PCSK2: variants seen among roughly 807,000 people sequenced by gnomAD.
The protein encoded by PCSK2 is neuroendocrine convertase 2.
PCSK2 carries 14 observed loss-of-function variants against 69.7 expected under a neutral mutation model. That is an observed-to-expected ratio of 0.20 (90% confidence interval 0.13 to 0.31). PCSK2 has a LOEUF of 0.31. Among genes scored for constraint, PCSK2 ranks in the 10% least tolerant of loss-of-function variants. PCSK2 has a pLI of 1.00. For synonymous variants in PCSK2, 307 were observed against 320.7 expected (o/e 0.96, Z 0.46); for missense variants, 544 against 842.5 (o/e 0.65, Z 4.39).
At chr20:17,314,809 A>G (rs923121975) in intron 2 of PCSK2, among the ~76,000 whole-genome samples, 4 of 152,184 alleles carry the variant, frequency 2.6e-5, no homozygotes, top group African/African-American at 7.2e-5. Context: ...TGTCTTTGCC[A>G]CTTAACATTA....
intron 10 of PCSK2, among the ~76,000 whole-genome samples, chr20:17,463,159 C>G (rs965984894): frequency 1.3e-5 from 2 of 152,188 alleles, no homozygotes; most frequent in East Asian, 3.8e-4. Context: ...CTAAAATGCA[C>G]CCCATGAGAA....
chr20:17,396,830 G>A (rs1416201428), intron 5 of PCSK2, among the ~76,000 whole-genome samples: 1 of 152,082 alleles, frequency 6.6e-6, no homozygotes, highest in Non-Finnish European at 1.5e-5. Flanking sequence ...ATGTTGCCCA[G>A]GCTGAGTCAA....
intron 2 of PCSK2, 138 bp downstream of exon 2, chr20:17,260,482 G>A: frequency 1.6e-6 from 1 of 639,308 alleles, no homozygotes; most frequent in East Asian, 2.7e-5. Flanking sequence ...ATGCTTTGCA[G>A]AGTCATATCA....
At chr20:17,407,791 C>G (rs1325441483) in intron 5 of PCSK2, among the ~76,000 whole-genome samples, 1 of 152,138 alleles carries the variant, frequency 6.6e-6, no homozygotes, top group Non-Finnish European at 1.5e-5. Context: ...TTCCTCCTCT[C>G]TGAAAGCCAA....
chr20:17,239,518 A>G (rs1355742280), intron 1 of PCSK2, among the ~76,000 whole-genome samples: 1 of 152,146 alleles, frequency 6.6e-6, no homozygotes, highest in Admixed American at 6.5e-5. Context: ...ATTAACCCAA[A>G]TTTGGACCCA....
At chr20:17,473,895 T>C (rs998930376) in intron 11 of PCSK2, among the ~76,000 whole-genome samples, 6 of 152,212 alleles carry the variant, frequency 3.9e-5, no homozygotes, top group African/African-American at 1.2e-4. Flanking sequence ...CCAGCTCCTG[T>C]GCAGGAAGCA....
At chr20:17,226,674 C>T (rs1158254865), upstream of PCSK2, among the ~76,000 whole-genome samples, 1 of 151,934 alleles carries the variant, frequency 6.6e-6, no homozygotes, top group Non-Finnish European at 1.5e-5. Flanking sequence ...CAGATTCCCA[C>T]AAACAATGAC....
rs181898891 is a variant in PCSK2 at position 17,419,789 on chromosome 20, T to A, written c.621-9646T>A. 5.3e-5 allele frequency among the ~76,000 whole-genome samples: 8 copies of A among 152,332 alleles called. No homozygotes were observed. In the East Asian group the frequency reaches 1.5e-3, roughly 29 times the overall value. ...GCAGATCTGTATTCCATTACTGTGC[T>A]GTTGTCCATAAAAATCTCTCTTGCA... On this transcript the variant is annotated intron_variant, in intron 6 of 11. Coordinates refer to ENST00000262545, the MANE Select transcript of PCSK2 (RefSeq NM_002594.5).
At chr20:17,345,954 CTAT>C (rs1308035175) in intron 2 of PCSK2, among the ~76,000 whole-genome samples, 1 of 152,172 alleles carries the variant, frequency 6.6e-6, no homozygotes, top group East Asian at 1.9e-4. Flanking sequence ...GACCTTGATG[CTAT>C]TAGCTCTTTC....
At chr20:17,228,119 G>A (rs1986001535) in intron 1 of PCSK2, 1 of 152,234 alleles carries the variant, frequency 6.6e-6, no homozygotes, top group Admixed American at 6.5e-5. Context: ...GCGCACTTCT[G>A]GTTGGCTCCC....
intron 2 of PCSK2, among the ~76,000 whole-genome samples, chr20:17,353,465 C>CAAAAAAAAAAAAAAA: frequency 6.9e-6 from 1 of 145,220 alleles, no homozygotes; most frequent in Non-Finnish European, 1.5e-5. Context: ...CTCCATCACA[C>CAAAAAAAAAAAAAAA]AAAAAAAAAA....
intron 6 of PCSK2, among the ~76,000 whole-genome samples, chr20:17,413,043 G>A (rs1322873367): frequency 6.6e-6 from 1 of 152,160 alleles, no homozygotes; most frequent in African/African-American, 2.4e-5. Context: ...ACTAAACATG[G>A]AAAGGAACAA....
At chr20:17,243,194 G>T (rs1399127884) in intron 1 of PCSK2, among the ~76,000 whole-genome samples, 1 of 152,198 alleles carries the variant, frequency 6.6e-6, no homozygotes, top group Non-Finnish European at 1.5e-5. Flanking sequence ...GTTGCTTCTT[G>T]TTTGGGTAAT....
At chr20:17,290,982 A>G (rs748975812) in intron 2 of PCSK2, among the ~76,000 whole-genome samples, 20 of 152,088 alleles carry the variant, frequency 1.3e-4, no homozygotes, top group Admixed American at 5.9e-4. Context: ...CTATTCATGA[A>G]GGCTCCACCC....
chr20:17,389,705 A>G (rs1402727632), intron 5 of PCSK2, among the ~76,000 whole-genome samples: 1 of 152,194 alleles, frequency 6.6e-6, no homozygotes, highest in Non-Finnish European at 1.5e-5. Context: ...TGCAGGGTTT[A>G]CAGCTGCTGA....
At chr20:17,280,287 CA>C (rs1224500890) in intron 2 of PCSK2, among the ~76,000 whole-genome samples, 2 of 152,092 alleles carry the variant, frequency 1.3e-5, no homozygotes, top group African/African-American at 4.8e-5. Flanking sequence ...CATAAGATTC[CA>C]AAATGTAGAT....
At chr20:17,340,637 G>A (rs975403179) in intron 2 of PCSK2, among the ~76,000 whole-genome samples, 1 of 151,978 alleles carries the variant, frequency 6.6e-6, no homozygotes, top group Non-Finnish European at 1.5e-5. Context: ...CTCCTATTTT[G>A]TTACAATCTT....
At position 17,227,450 on chromosome 20, in the gene PCSK2, G is replaced by T; in HGVS notation, c.145G>T (p.Val49Phe). The T allele has an allele frequency of 6.2e-7, 1 of 1,614,018 alleles. No homozygotes were observed. The highest frequency in any genetic ancestry group is 8.5e-7 in the Non-Finnish European group (1 of 1,179,996). ...AGGGGGAGAGGACAAAGCTCGCCAA[G>T]TTGCAGCAGAACACGGCTTTGGAGT... ...HKGGEDKARQ[V>F]AAEHGFGVRK... is the part of the protein sequence containing the mutation. Residue 49 changes from valine (V) to phenylalanine (F), a missense_variant, in exon 1 of 12, where the codon GTT becomes TTT. By Grantham distance (50) the Val-to-Phe change is conservative. Coordinates refer to ENST00000262545, the MANE Select transcript of PCSK2 (RefSeq NM_002594.5).
intron 10 of PCSK2, among the ~76,000 whole-genome samples, chr20:17,461,623 A>G (rs1199070155): frequency 6.6e-6 from 1 of 152,234 alleles, no homozygotes; most frequent in African/African-American, 2.4e-5. Context: ...TTCCATTTTC[A>G]ATTTCTCTAA....
Sources: allele counts gnomAD v4.1 joint callset (sites outside exome capture counted in the v4.1 genomes callset), GRCh38; gene constraint gnomAD v4.1.1; transcripts MANE v1.5; gene names NCBI Gene and HGNC (gene_info 2026-07-23, HGNC 2026-07-21).